CSMD1: variants seen among roughly 807,000 people sequenced by gnomAD.
CSMD1 encodes the protein CUB and Sushi multiple domains 1.
In CSMD1, 213 loss-of-function variants were observed where a neutral mutation model predicts 417.5. The observed-to-expected ratio is 0.51, with a 90% CI of 0.46 to 0.57. CSMD1 has a LOEUF of 0.57. Ranked by LOEUF, CSMD1 falls within the 20% of genes least tolerant of loss-of-function variation. The pLI is 0.00. For missense variants in CSMD1, 6,923 were observed against 4,529.7 expected (o/e 1.53, Z -15.17); for synonymous variants, 2,862 against 1,736.8 (o/e 1.65, Z -16.11).
intron 2 of CSMD1, among the ~76,000 whole-genome samples, chr8:4,571,854 C>G (rs1563297787): frequency 6.6e-6 from 1 of 152,124 alleles, no homozygotes; most frequent in Non-Finnish European, 1.5e-5. Context: ...ACTCTTCTTG[C>G]ATTGATCCCT....
chr8:4,631,259 G>A (rs899373586), intron 2 of CSMD1, among the ~76,000 whole-genome samples: 1 of 152,152 alleles, frequency 6.6e-6, no homozygotes, highest in Non-Finnish European at 1.5e-5. Context: ...CTACTTGGGA[G>A]GCTGAGGCAG....
intron 7 of CSMD1, among the ~76,000 whole-genome samples, chr8:3,690,659 G>A (rs538684299): frequency 6.6e-6 from 1 of 152,150 alleles, no homozygotes; most frequent in Admixed American, 6.5e-5. Flanking sequence ...TTTGTCCTTA[G>A]GGGCTGTGTG....
chr8:4,405,960 C>G (rs1804987959), intron 3 of CSMD1, among the ~76,000 whole-genome samples: 1 of 152,186 alleles, frequency 6.6e-6, no homozygotes, highest in African/African-American at 2.4e-5. Flanking sequence ...GCCTTCTGTT[C>G]TGCTCGCCTG....
At chr8:4,621,858 G>A (rs1585344299) in intron 2 of CSMD1, among the ~76,000 whole-genome samples, 1 of 152,056 alleles carries the variant, frequency 6.6e-6, no homozygotes, top group African/African-American at 2.4e-5. Context: ...ACTCTGGAAT[G>A]AGAAGTTGGA....
At chr8:3,255,684 C>G (rs759286950) in intron 26 of CSMD1, among the ~76,000 whole-genome samples, 4 of 152,236 alleles carry the variant, frequency 2.6e-5, no homozygotes, top group African/African-American at 9.6e-5. Flanking sequence ...GGGATATAAT[C>G]TCCTGGTGTG....
chr8:4,515,746 T>G (rs1417168232), intron 2 of CSMD1, among the ~76,000 whole-genome samples: 1 of 152,184 alleles, frequency 6.6e-6, no homozygotes, highest in Non-Finnish European at 1.5e-5. Context: ...CAGGGTAGTC[T>G]GGACGTGCTC....
At chr8:3,946,646 A>G (rs1199978793) in intron 5 of CSMD1, among the ~76,000 whole-genome samples, 1 of 152,154 alleles carries the variant, frequency 6.6e-6, no homozygotes, top group Non-Finnish European at 1.5e-5. Context: ...ACAGATGAAT[A>G]AACTTACATC....
chr8:3,972,836 A>T (rs2130098921), intron 5 of CSMD1, among the ~76,000 whole-genome samples: 1 of 152,344 alleles, frequency 6.6e-6, no homozygotes, highest in African/African-American at 2.4e-5. Context: ...CATATCTTTG[A>T]CATTTACCTC....
At chr8:4,152,905 A>T (rs1796645377) in intron 3 of CSMD1, among the ~76,000 whole-genome samples, 1 of 152,194 alleles carries the variant, frequency 6.6e-6, no homozygotes. Context: ...TTTTTCTCAA[A>T]AACTTTATGA....
At chr8:3,488,839 C>G (rs912973744) in intron 11 of CSMD1, among the ~76,000 whole-genome samples, 1 of 152,128 alleles carries the variant, frequency 6.6e-6, no homozygotes, top group Non-Finnish European at 1.5e-5. Context: ...AGATAATATA[C>G]AGAAAAATAA....
At chr8:3,887,834 A>G (rs971216019) in intron 5 of CSMD1, among the ~76,000 whole-genome samples, 18 of 152,200 alleles carry the variant, frequency 1.2e-4, no homozygotes, top group African/African-American at 4.3e-4. Context: ...TCATCTGTGC[A>G]AGGAAGAAAC....
At chr8:3,018,088 T>C (rs1435296123) in intron 52 of CSMD1, among the ~76,000 whole-genome samples, 1 of 152,372 alleles carries the variant, frequency 6.6e-6, no homozygotes, top group African/African-American at 2.4e-5. Flanking sequence ...TTTTAAATAA[T>C]TCACTGTACT....
intron 1 of CSMD1, among the ~76,000 whole-genome samples, chr8:4,828,538 C>G (rs1195495721): frequency 6.6e-6 from 1 of 152,106 alleles, no homozygotes; most frequent in Non-Finnish European, 1.5e-5. Flanking sequence ...CCTGAGCCAT[C>G]CTGTGCCTTC....
rs563660010 is a variant in CSMD1, at chr8:3,488,109, ATTT to A, written c.1448+5511_1448+5513del. Among the ~76,000 whole-genome samples the A allele has an allele frequency of 6.0e-4, 90 of 150,188 alleles. 1 individual carries two copies. The South Asian group carries it at 7.0e-3, about 12-fold the overall frequency. ...TAGTATTATTATTATTATTATTATTATTTTTCTTTTTGAAATAGTGTCTTGCTC... is the reference window on the plus strand; with the variant it reads ...TAGTATTATTATTATTATTATTATTATTCTTTTTGAAATAGTGTCTTGCTC... On this transcript the variant is annotated intron_variant, in intron 11 of 69. Transcript: ENST00000635120.
chr8:3,405,755 G>A (rs555087430), intron 15 of CSMD1, among the ~76,000 whole-genome samples: 71 of 152,254 alleles, frequency 4.7e-4, no homozygotes, highest in African/African-American at 1.7e-3. Context: ...GAATGCCAGA[G>A]ATTGCCAAAC....
intron 49 of CSMD1, among the ~76,000 whole-genome samples, chr8:3,082,418 C>T (rs1375967113): frequency 6.6e-5 from 10 of 152,318 alleles, no homozygotes; most frequent in South Asian, 2.1e-4. Flanking sequence ...CTTCACATTC[C>T]AGCTCAGACA....
intron 5 of CSMD1, among the ~76,000 whole-genome samples, chr8:3,876,560 A>C (rs755123857): frequency 5.3e-5 from 8 of 152,192 alleles, no homozygotes; most frequent in Non-Finnish European, 1.2e-4. Flanking sequence ...AAAATTATTA[A>C]TTCTAAAATG....
chr8:4,601,549 T>C, intron 2 of CSMD1, among the ~76,000 whole-genome samples: 1 of 152,088 alleles, frequency 6.6e-6, no homozygotes, highest in Non-Finnish European at 1.5e-5. Flanking sequence ...ATACAGATGA[T>C]AAAAGGTAGT....
At chr8:3,453,818 T>G (rs949001355) in intron 12 of CSMD1, among the ~76,000 whole-genome samples, 1 of 152,202 alleles carries the variant, frequency 6.6e-6, no homozygotes, top group African/African-American at 2.4e-5. Flanking sequence ...TCTGTAGATG[T>G]CTATTAGATC....
Sources: gnomAD v4.1 joint callset for allele counts (sites outside exome capture counted in the v4.1 genomes callset) on GRCh38, gnomAD v4.1.1 for gene constraint, MANE v1.5 for transcripts, NCBI Gene and HGNC (gene_info 2026-07-23, HGNC 2026-07-21) for gene names.